LINGO1: variants seen among roughly 807,000 people sequenced by gnomAD.
LINGO1 encodes the protein leucine-rich repeat and immunoglobulin-like domain-containing nogo receptor-interacting protein 1.
A neutral mutation model predicts 37.3 loss-of-function variants in LINGO1; 11 were observed. That is an observed-to-expected ratio of 0.29 (90% CI 0.19 to 0.49). LINGO1 has a LOEUF of 0.49. Ranked by LOEUF, LINGO1 falls within the 20% of genes least tolerant of loss-of-function variation. LINGO1 has a pLI of 0.99. For synonymous variants in LINGO1, 387 were observed against 403.0 expected (o/e 0.96, Z 0.48); for missense variants, 585 against 878.2 (o/e 0.67, Z 4.22).
At chr15:77,628,210 G>C (rs1270570799) in intron 1 of LINGO1, among the ~76,000 whole-genome samples, 1 of 152,224 alleles carries the variant, frequency 6.6e-6, no homozygotes, top group African/African-American at 2.4e-5. Context: ...TCTGCTCCTA[G>C]CTGTGTGCCC....
At chr15:77,735,853 C>A (rs139112218) in intron 1 of LINGO1, among the ~76,000 whole-genome samples, 113 of 152,342 alleles carry the variant, frequency 7.4e-4, no homozygotes, top group African/African-American at 2.5e-3. Context: ...GGAGACCACT[C>A]ATACACACAC....
intron 1 of LINGO1, among the ~76,000 whole-genome samples, chr15:77,775,221 C>G (rs1015303640): frequency 2.0e-5 from 3 of 152,174 alleles, no homozygotes; most frequent in Non-Finnish European, 2.9e-5. Context: ...TTGATGATAG[C>G]AAGGTCACCT....
chr15:77,775,749 G>A (rs1037235333), intron 1 of LINGO1, among the ~76,000 whole-genome samples: 2 of 151,688 alleles, frequency 1.3e-5, no homozygotes, highest in African/African-American at 4.9e-5. Flanking sequence ...CATGGCTAAA[G>A]AGTTAGTTTC....
exon 2 of LINGO1, chr15:77,690,844 G>C (rs1289203902): frequency 6.6e-6 from 1 of 152,318 alleles, no homozygotes; most frequent in African/African-American, 2.4e-5. Flanking sequence ...TGGAGATGCA[G>C]GCTGAAGGCT....
intron 2 of LINGO1, chr15:77,690,681 C>T (rs1330192445): frequency 6.6e-6 from 1 of 152,230 alleles, no homozygotes; most frequent in African/African-American, 2.4e-5. Context: ...TGGGTATCTC[C>T]AGGAGCCAGG....
chr15:77,699,408 C>A (rs917360905), upstream of LINGO1, among the ~76,000 whole-genome samples: 1 of 150,430 alleles, frequency 6.6e-6, no homozygotes, highest in Non-Finnish European at 1.5e-5. Context: ...ATCATCCCCA[C>A]ACACAGTAAG....
At chr15:77,726,842 T>C (rs1425325896) in intron 2 of LINGO1, among the ~76,000 whole-genome samples, 3 of 152,230 alleles carry the variant, frequency 2.0e-5, no homozygotes, top group Non-Finnish European at 4.4e-5. Flanking sequence ...TGGCAACCCA[T>C]GTATCTGAAA....
chr15:77,819,242 C>G (rs1204081760), intron 1 of LINGO1: 1 of 149,142 alleles, frequency 6.7e-6, no homozygotes, highest in African/African-American at 2.4e-5. Context: ...CCTGGCCCCG[C>G]TGCAGCGTCC....
chr15:77,743,910 A>T (rs1319201187), intron 1 of LINGO1, among the ~76,000 whole-genome samples: 12 of 152,182 alleles, frequency 7.9e-5, no homozygotes, highest in Non-Finnish European at 2.9e-5. Flanking sequence ...GCAACCAGGT[A>T]ACCCTCCCTG....
rs1237195653 is a variant in LINGO1 at position 77,780,756 on chromosome 15, A to AT, written c.-257+6112dup. 3.3e-5 allele frequency among the ~76,000 whole-genome samples: 5 copies of AT among 152,112 alleles called. No homozygotes were observed. In the South Asian group the frequency reaches 1.0e-3, roughly 32 times the overall value. On this transcript the variant is annotated intron_variant, in intron 1 of 3. Transcript: ENST00000561686. ...GTGTCCTTATAAGAAGAGGTACCAC[A>AT]TAACACTTGCTCTCCTCCCCCCACC...
chr15:77,750,232 C>T (rs2076357382), intron 1 of LINGO1, among the ~76,000 whole-genome samples: 1 of 152,196 alleles, frequency 6.6e-6, no homozygotes, highest in African/African-American at 2.4e-5. Context: ...CACCTGCTGC[C>T]TTCCCGTGAG....
intron 3 of LINGO1, among the ~76,000 whole-genome samples, chr15:77,674,831 T>C (rs1430193978): frequency 1.3e-5 from 2 of 152,068 alleles, no homozygotes; most frequent in East Asian, 3.9e-4. Flanking sequence ...TTTCCTTGTC[T>C]GTCTCTCCTC....
intron 2 of LINGO1, among the ~76,000 whole-genome samples, chr15:77,795,305 G>A (rs576286447): frequency 2.6e-5 from 4 of 152,198 alleles, no homozygotes; most frequent in Non-Finnish European, 4.4e-5. Context: ...CCCCTCACAC[G>A]GACCATGAAG....
At chr15:77,620,917 T>C (rs922970855) in intron 1 of LINGO1, among the ~76,000 whole-genome samples, 1 of 152,068 alleles carries the variant, frequency 6.6e-6, no homozygotes, top group South Asian at 2.1e-4. Flanking sequence ...CTCTGTGCCA[T>C]AGGCAGCATC....
intron 3 of LINGO1, among the ~76,000 whole-genome samples, chr15:77,656,377 C>T (rs2074866034): frequency 6.6e-6 from 1 of 152,124 alleles, no homozygotes; most frequent in African/African-American, 2.4e-5. Flanking sequence ...TTTTCCCTTC[C>T]TAAAAAACAC....
chr15:77,772,961 C>T (rs1342515288), intron 1 of LINGO1, among the ~76,000 whole-genome samples: 1 of 152,214 alleles, frequency 6.6e-6, no homozygotes, highest in Non-Finnish European at 1.5e-5. Flanking sequence ...TCCCCTCCTA[C>T]CATCCGTCAA....
chr15:77,766,326 CAGAG>C (rs1246264253), intron 1 of LINGO1, among the ~76,000 whole-genome samples: 3 of 102,634 alleles, frequency 2.9e-5, no homozygotes, highest in Admixed American at 1.0e-4. Flanking sequence ...AACACACAAA[CAGAG>C]AGAGAGAGAA....
chr15:77,731,944 A>G (rs2076158229), intron 2 of LINGO1, among the ~76,000 whole-genome samples: 1 of 152,144 alleles, frequency 6.6e-6, no homozygotes, highest in South Asian at 2.1e-4. Context: ...GCCTGGATAC[A>G]GGAACCCGAA....
At chr15:77,753,084 C>T (rs916710407) in intron 1 of LINGO1, among the ~76,000 whole-genome samples, 6 of 152,234 alleles carry the variant, frequency 3.9e-5, no homozygotes, top group Non-Finnish European at 5.9e-5. Flanking sequence ...GCTTTCTCGC[C>T]GTTGTCATGG....
Sources: allele counts gnomAD v4.1 joint callset (sites outside exome capture counted in the v4.1 genomes callset), GRCh38; gene constraint gnomAD v4.1.1; transcripts MANE v1.5; gene names NCBI Gene and HGNC (gene_info 2026-07-23, HGNC 2026-07-21).